Variants in DNMBP observed in about 807,000 individuals in gnomAD.
DNMBP encodes dynamin-binding protein.
DNMBP carries 87 observed loss-of-function variants against 150.0 expected under a neutral mutation model. The observed-to-expected ratio is 0.58, with a 90% CI of 0.49 to 0.69. DNMBP has a LOEUF of 0.69. Ranked by LOEUF, DNMBP falls within the 30% of genes least tolerant of loss-of-function variation. DNMBP has a pLI of 0.00. For synonymous variants in DNMBP, 711 were observed against 750.4 expected, an observed-to-expected ratio of 0.95 and a Z score of 0.86; for missense variants, 1,774 against 1,949.0, an observed-to-expected ratio of 0.91 and a Z score of 1.69.
rs2040718048 is a variant in DNMBP at position 99,975,424 on chromosome 10, A to C, written c.-10-3290T>G. Among the ~76,000 whole-genome samples the C allele has an allele frequency of 2.0e-5, 3 of 152,226 alleles. No individual in the cohort carries two copies. The South Asian group carries it at 6.2e-4, about 32-fold the overall frequency. On this transcript the variant is annotated intron_variant, in intron 1 of 16. Transcript: ENST00000324109. Reference sequence around the variant, plus strand: ...GATAAACATATTAGGCATATAATAAATCATTTAGTATATTAATATGGAGTA... The same window carrying C: ...GATAAACATATTAGGCATATAATAACTCATTTAGTATATTAATATGGAGTA...
chr10:99,884,127 C>G lies in DNMBP; in HGVS notation c.3881G>C (p.Arg1294Pro). The G allele has an allele frequency of 6.2e-7, 1 of 1,614,124 alleles. No individual in the cohort carries two copies. Among genetic ancestry groups the G allele is most frequent in the Non-Finnish European group, 8.5e-7 (1 of 1,180,022 alleles). ...CAAGTCTTGAGCAGCATTGAAGTTC[C>G]GTTCTGCCTGGAAGAGTTTTTCAGG... ...YPPEKLFQAERNFNAAQDLDV... is the reference protein window; with the variant it reads ...YPPEKLFQAEPNFNAAQDLDV... Residue 1294 changes from arginine (R) to proline (P), a missense_variant, in exon 15 of 17, where the codon CGG (arginine) becomes CCG (proline). Around this residue, in one of 2 missense-constraint regions of DNMBP, gnomAD observed 1,430 missense variants for 1,492.5 expected, o/e 0.96. Coordinates refer to ENST00000324109, the MANE Select transcript of DNMBP (RefSeq NM_015221.4).
At chr10:99,962,610 G>A (rs1259904249) in intron 3 of DNMBP, among the ~76,000 whole-genome samples, 6 of 151,722 alleles carry the variant, frequency 4.0e-5, no homozygotes, top group African/African-American at 9.7e-5. Context: ...CAGCCTGGGC[G>A]ATAGAGCGAG....
In DNMBP at chr10:99,877,092, C is replaced by G; in HGVS notation, c.*59G>C. 6.5e-6 allele frequency: 9 copies of G among 1,383,334 alleles called. No homozygotes were observed. The highest frequency in any genetic ancestry group is 3.4e-5 in the South Asian group (2 of 58,360). 85.7% of individuals were successfully genotyped at this position (1,383,334 alleles called of 1,614,324 possible). A position where few individuals can be genotyped will look rare whatever the true frequency, so the allele number is the denominator to read the frequency against. On this transcript the variant is annotated 3_prime_UTR_variant, in exon 17 of 17. Coordinates refer to ENST00000324109, the MANE Select transcript of DNMBP (RefSeq NM_015221.4). ...AGCAGGCGCCCTCTCGGTGGGCCGC[C>G]AGAACCCTCGGCGGACTGAAAGCAA...
Position 99,965,171 on chromosome 10 carries a change from C to T in DNMBP, c.268+3944G>A, listed in dbSNP as rs11817050. ...ACTACCACATGCTTTCCATGTACAA[C>T]CTCATCTAATCCTCACAATCACCCT... On this transcript the variant is annotated intron_variant, in intron 3 of 16. Coordinates refer to ENST00000324109, the MANE Select transcript of DNMBP (RefSeq NM_015221.4). Among the ~76,000 whole-genome samples, 1,011 of 152,220 alleles carry T rather than the reference C, an allele frequency of 6.6e-3. 11 individuals carry two copies. The highest frequency in any genetic ancestry group is 0.023 in the African/African-American group (967 of 41,546).
rs139408405 is a variant in DNMBP, at chr10:99,955,620, C to T, written c.1854G>A (p.Pro618=). Residue 618 remains proline (P), a synonymous_variant, in exon 4 of 17, where the codon CCG becomes CCA. Transcript: ENST00000324109. ...LRPPPPRPCT[P]VSTSPHLLVD... ...CCAGCAAATGGGGAGAAGTGGATAC[C>T]GGAGTACAGGGACGAGGTGGCGGTG... 88 of 1,614,158 alleles carry T rather than the reference C, an allele frequency of 5.5e-5. 1 individual carries two copies. The African/African-American group carries it at 5.9e-4, about 11-fold the overall frequency.
Position 99,877,301 on chromosome 10 carries a change from G to C in DNMBP, c.4584C>G (p.Asn1528Lys). Residue 1528 changes from asparagine (N) to lysine (K), a missense_variant, in exon 17 of 17, where the codon AAC becomes AAG. Around this residue, in one of 2 missense-constraint regions of DNMBP, gnomAD observed 1,430 missense variants for 1,492.5 expected, o/e 0.96. Coordinates refer to ENST00000324109, the MANE Select transcript of DNMBP (RefSeq NM_015221.4). The part of the protein sequence containing the change: ...YFAVYTFKAR[N>K]PNELSVSANQ... ...TGGCTGACACGCTCAGCTCATTTGG[G>C]TTTCGTGCCTTGAAGGTGTAGACAG... 1 of 1,613,768 alleles carries C rather than the reference G, an allele frequency of 6.2e-7. No individual in the cohort carries two copies. The highest frequency in any genetic ancestry group is 8.5e-7 in the Non-Finnish European group (1 of 1,179,902).
intron 4 of DNMBP, among the ~76,000 whole-genome samples, chr10:99,946,035 C>A (rs1348833931): frequency 1.3e-5 from 2 of 152,236 alleles, no homozygotes; most frequent in East Asian, 3.8e-4. Flanking sequence ...TGGCTCACTG[C>A]AACCTCTGCC....
chr10:99,915,641 C>T (rs11190319), intron 4 of DNMBP, among the ~76,000 whole-genome samples: 32 of 152,102 alleles, frequency 2.1e-4, no homozygotes, highest in Admixed American at 1.8e-3. Flanking sequence ...CCTGGGCCTT[C>T]GAGGTTGAGG....
chr10:99,877,237 C>T lies in DNMBP; in HGVS notation c.4648G>A (p.Gly1550Arg), dbSNP rs376216059. 1.2e-6 allele frequency: 2 copies of T among 1,614,066 alleles called. No homozygotes were observed. Among genetic ancestry groups the T allele is most frequent in the Non-Finnish European group, 1.7e-6 (2 of 1,180,008 alleles). Residue 1550 changes from glycine (G) to arginine (R), a missense_variant, in exon 17 of 17, where the codon GGA (glycine) becomes AGA (arginine). Gly to Arg is a moderately radical substitution (Grantham distance 125). Around this residue, in one of 2 missense-constraint regions of DNMBP, gnomAD observed 1,430 missense variants for 1,492.5 expected, o/e 0.96. Transcript: ENST00000324109. ...TCAGCTAACCACCACTCTGTATTTC[C>T]TGTAACATCTTTAAACTCGAGGATC... ...LKILEFKDVT[G>R]NTEWWLAEVN... is the part of the protein sequence containing the mutation.
rs759243354 is a variant in DNMBP, at chr10:99,955,202, C to A, written c.2260+12G>T. On this transcript the variant is annotated intron_variant, in intron 4 of 16. Coordinates refer to ENST00000324109, the MANE Select transcript of DNMBP (RefSeq NM_015221.4). ...TCAAGAAACAATTACATATTATTTC[C>A]TCGTCACTTACCTCTTAGTTGCTGG... 27 of 1,602,720 alleles carry A rather than the reference C, an allele frequency of 1.7e-5. No individual in the cohort carries two copies. Among genetic ancestry groups the A allele is most frequent in the Non-Finnish European group, 2.1e-5 (25 of 1,172,870 alleles).
At chr10:99,967,700 G>GTGTGTGTGT (rs1564749488) in intron 3 of DNMBP, among the ~76,000 whole-genome samples, 8 of 114,570 alleles carry the variant, frequency 7.0e-5, no homozygotes, top group African/African-American at 2.4e-4. Context: ...TGTGTGTGTG[G>GTGTGTGTGT]GTATGTGTGT....
chr10:99,954,653 A>G (rs1312770136), intron 4 of DNMBP, among the ~76,000 whole-genome samples: 2 of 149,704 alleles, frequency 1.3e-5, no homozygotes, highest in Non-Finnish European at 3.0e-5. Flanking sequence ...CTGAGGCAGG[A>G]GAATCGCTTG....
rs549566095 is a variant in DNMBP, at chr10:99,892,227, C to G, written c.3156+2719G>C. Among the ~76,000 whole-genome samples, 30 of 150,744 alleles carry G rather than the reference C, an allele frequency of 2.0e-4. No individual in the cohort carries two copies. The East Asian group carries it at 5.5e-3, about 28-fold the overall frequency. On this transcript the variant is annotated intron_variant, in intron 11 of 16. Coordinates refer to ENST00000324109, the MANE Select transcript of DNMBP (RefSeq NM_015221.4). ...CCCGTCCGGGAGGTGAGGGGCGCCT[C>G]TGCCCGGCCACCACCCCGTCTGGGA...
At chr10:99,896,020 T>C (rs1231716584) in intron 10 of DNMBP, among the ~76,000 whole-genome samples, 1 of 152,204 alleles carries the variant, frequency 6.6e-6, no homozygotes, top group African/African-American at 2.4e-5. Flanking sequence ...ACTATAGTTT[T>C]GTCCCACCAA....
At chr10:99,957,439 G>T (rs1198637264) in intron 3 of DNMBP, 2 of 564,952 alleles carry the variant, frequency 3.5e-6, no homozygotes, top group African/African-American at 3.7e-5. Context: ...TCCTAGCAGA[G>T]AATCTGTGAG....
chr10:99,969,539 C>T (rs1289316899), intron 2 of DNMBP, among the ~76,000 whole-genome samples: 2 of 152,078 alleles, frequency 1.3e-5, no homozygotes, highest in South Asian at 2.1e-4. Context: ...CTAGTTCAGA[C>T]AAAAAGTCGA....
chr10:99,898,624 G>C (rs2039694475), intron 8 of DNMBP, 119 bp downstream of exon 8: 1 of 1,093,416 alleles, frequency 9.1e-7, no homozygotes, highest in Admixed American at 2.0e-5. Flanking sequence ...AGAAAACCCA[G>C]CAAGGTGAGT....
At chr10:99,898,329 T>A (rs1486936513) in intron 8 of DNMBP, 44 bp from the exon 9 acceptor site, 1 of 1,529,268 alleles carries the variant, frequency 6.5e-7, no homozygotes, top group South Asian at 1.1e-5. Flanking sequence ...ATCAATAATA[T>A]AGCGCCCAGC....
rs980836114 is a variant in DNMBP, at chr10:99,998,011, A to G, written c.-11+11827T>C. ...AGCACTTTGGGAGGCCAAGGTGGGC[A>G]GATCACAAGGTCAGGAGATCAAGAC... is the stretch of plus-strand genomic sequence containing the variant. On this transcript the variant is annotated intron_variant, in intron 1 of 16. Coordinates refer to ENST00000324109, the MANE Select transcript of DNMBP (RefSeq NM_015221.4). Among the ~76,000 whole-genome samples the G allele has an allele frequency of 3.5e-4, 51 of 146,484 alleles. 1 individual carries two copies. The highest frequency in any genetic ancestry group is 1.1e-3 in the Admixed American group (16 of 14,546).
Sources: allele counts gnomAD v4.1 joint callset (sites outside exome capture counted in the v4.1 genomes callset), GRCh38; gene constraint gnomAD v4.1.1; regional missense constraint gnomAD v4.1.1; transcripts MANE v1.5; gene names NCBI Gene and HGNC (gene_info 2026-07-23, HGNC 2026-07-21).